Variants in CCDC77 observed in about 807,000 individuals in gnomAD.
The protein encoded by CCDC77 is coiled-coil domain containing 77.
CCDC77 carries 56 observed loss-of-function variants against 66.8 expected under a neutral mutation model. The observed-to-expected ratio is 0.84, with a 90% CI of 0.68 to 1.05. The LOEUF is 1.05. Among genes scored for constraint, CCDC77 ranks in the 50% least tolerant of loss-of-function variants. The pLI is 0.00. For synonymous variants in CCDC77, 196 were observed against 195.2 expected, an observed-to-expected ratio of 1.00 and a Z score of -0.03; for missense variants, 570 against 576.8, an observed-to-expected ratio of 0.99 and a Z score of 0.12.
chr12:416,375 GTGTATATATATATATATATATATATA>G lies in CCDC77; in HGVS notation c.271-2117_271-2092del, dbSNP rs1402633486. ...TGTGTGTGTGTGTGTGTGTGTGTGT[GTGTATATATATATATATATATATATA>G]TATATATATATATATTTCTTTTTTT... On this transcript the variant is annotated intron_variant, in intron 4 of 12. Coordinates refer to ENST00000239830, the MANE Select transcript of CCDC77 (RefSeq NM_032358.4). 1.9e-4 allele frequency among the ~76,000 whole-genome samples: 4 copies of G among 20,602 alleles called. 1 individual carries two copies. The highest frequency in any genetic ancestry group is 1.5e-3 in the South Asian group (1 of 684). 13.5% of individuals were successfully genotyped at this position (20,602 alleles called of 152,430 possible).
rs1225796691 is a variant in CCDC77, at chr12:423,468, GTGTTTTTTGTGTTTTTTTTTGTTT to G, written c.413+4841_413+4864del. The stretch of plus-strand genomic sequence containing the variant: ...ACTTGTTATTTTCTGGGTGTTTTTT[GTGTTTTTTGTGTTTTTTTTTGTTT>G]TGTTTTTTTTTTTTTTTTTTTGAGA... On this transcript the variant is annotated intron_variant, in intron 5 of 12. Transcript: ENST00000239830. Among the ~76,000 whole-genome samples the G allele has an allele frequency of 8.9e-4, 37 of 41,622 alleles. 3 individuals are homozygous for G. The highest frequency in any genetic ancestry group is 4.0e-3 in the East Asian group (6 of 1,498). 27.3% of individuals were successfully genotyped at this position (41,622 alleles called of 152,430 possible). A position where few individuals can be genotyped will look rare whatever the true frequency, so the allele number is the denominator to read the frequency against.
At chr12:413,917 C>T (rs559633775) in intron 4 of CCDC77, among the ~76,000 whole-genome samples, 13 of 150,098 alleles carry the variant, frequency 8.7e-5, no homozygotes, top group Admixed American at 2.0e-4. Flanking sequence ...CGTGAGCCAC[C>T]GCGCCCAGCT....
intron 2 of CCDC77, among the ~76,000 whole-genome samples, chr12:408,940 T>C (rs1945049276): frequency 1.3e-5 from 2 of 152,158 alleles, no homozygotes; most frequent in African/African-American, 4.8e-5. Context: ...GCGTGGTGGC[T>C]CACGCCTGTA....
chr12:401,066 C>G (rs1046833888), upstream of CCDC77, among the ~76,000 whole-genome samples: 5 of 152,098 alleles, frequency 3.3e-5, no homozygotes, highest in African/African-American at 1.2e-4. Context: ...AAGATAAGAC[C>G]ATAATGGATT....
Position 428,510 on chromosome 12 carries a change from CAAAAAAAAAAA to C in CCDC77, c.414-243_414-233del, listed in dbSNP as rs59414510. On this transcript the variant is annotated intron_variant, in intron 5 of 12. Coordinates refer to ENST00000239830, the MANE Select transcript of CCDC77 (RefSeq NM_032358.4). ...TGGACAACAGAGCGAGACTCTGTCTCAAAAAAAAAAAAAAAAAAAAAAAAAAGAATTAGCTA... is the reference window on the plus strand; with the variant it reads ...TGGACAACAGAGCGAGACTCTGTCTCAAAAAAAAAAAAAAAGAATTAGCTA... 5.0e-3 allele frequency among the ~76,000 whole-genome samples: 292 copies of C among 57,908 alleles called. 2 individuals are homozygous for C. Among genetic ancestry groups the C allele is most frequent in the Admixed American group, 7.3e-3 (28 of 3,838 alleles). 38.0% of individuals were successfully genotyped at this position (57,908 alleles called of 152,430 possible). A position where few individuals can be genotyped will look rare whatever the true frequency, so the allele number is the denominator to read the frequency against.
intron 3 of CCDC77, among the ~76,000 whole-genome samples, chr12:410,610 C>T (rs1001155970): frequency 2.7e-5 from 4 of 149,340 alleles, no homozygotes; most frequent in South Asian, 2.1e-4. Context: ...TCTGGAGTGG[C>T]GTGATCTCGG....
intron 4 of CCDC77, among the ~76,000 whole-genome samples, chr12:416,377 GTATATATATATATATATATA>G (rs1167006549): frequency 0.063 from 1,294 of 20,572 alleles, 88 homozygotes; most frequent in African/African-American, 0.18. Flanking sequence ...GTGTGTGTGT[GTATATATATATATATATATA>G]TATATATATA....
rs1275226663 is a variant in CCDC77 at position 423,902 on chromosome 12, A to G, written c.414-4867A>G. ...GTTGAGCATCTTTCTTGTGCCATTT[A>G]TATATCTTCTTTGGAGAAATGTCTA... On this transcript the variant is annotated intron_variant, in intron 5 of 12. Transcript: ENST00000239830. Among the ~76,000 whole-genome samples the G allele has an allele frequency of 4.6e-5, 7 of 152,240 alleles. No homozygotes were observed. In the East Asian group the frequency reaches 1.4e-3, roughly 29 times the overall value.
At chr12:430,788 C>A in intron 7 of CCDC77, 52 bp downstream of exon 7, 2 of 1,449,554 alleles carry the variant, frequency 1.4e-6, no homozygotes, top group South Asian at 1.1e-5. Flanking sequence ...AATTGAAAAT[C>A]ACAGTGCAGG....
At chr12:395,331 C>T (rs114974205) in intron 1 of CCDC77, 1 of 152,168 alleles carries the variant, frequency 6.6e-6, no homozygotes, top group Admixed American at 6.5e-5. Flanking sequence ...TCAAGCAATC[C>T]TATTGCCTTG....
intron 4 of CCDC77, among the ~76,000 whole-genome samples, chr12:416,676 G>A (rs1045002499): frequency 4.6e-5 from 7 of 151,592 alleles, no homozygotes; most frequent in Non-Finnish European, 8.8e-5. Flanking sequence ...GGCGTGTTAA[G>A]TATATTCACA....
At chr12:440,522 A>G in intron 10 of CCDC77, 95 bp from the exon 11 acceptor site, 1 of 1,426,218 alleles carries the variant, frequency 7.0e-7, no homozygotes, top group Non-Finnish European at 9.6e-7. Context: ...ACCTCTGGAA[A>G]TCCCTTCTTT....
At chr12:406,131 A>G (rs1241799519) in intron 2 of CCDC77, among the ~76,000 whole-genome samples, 1 of 152,096 alleles carries the variant, frequency 6.6e-6, no homozygotes, top group Non-Finnish European at 1.5e-5. Flanking sequence ...GCTGGTCTCA[A>G]ACTCCTGGAC....
At chr12:433,767 TA>T (rs1020827284) in intron 9 of CCDC77, among the ~76,000 whole-genome samples, 1 of 152,100 alleles carries the variant, frequency 6.6e-6, no homozygotes, top group Non-Finnish European at 1.5e-5. Context: ...TTTACATATC[TA>T]AAAAAAACTG....
At chr12:416,375 G>GTATATATATA (rs1489079419) in intron 4 of CCDC77, among the ~76,000 whole-genome samples, 3 of 20,592 alleles carry the variant, frequency 1.5e-4, no homozygotes, top group South Asian at 1.5e-3. Flanking sequence ...GTGTGTGTGT[G>GTATATATATA]TGTATATATA....
chr12:409,234 A>G, intron 2 of CCDC77, 134 bp from the exon 3 acceptor site: 1 of 679,584 alleles, frequency 1.5e-6, no homozygotes, highest in Admixed American at 2.9e-5. Context: ...AGAAAAAAAA[A>G]ACTACATTTT....
At chr12:404,786 G>C (rs192807249) in intron 1 of CCDC77, among the ~76,000 whole-genome samples, 1 of 150,144 alleles carries the variant, frequency 6.7e-6, no homozygotes, top group Non-Finnish European at 1.5e-5. Context: ...GTAATGGCGC[G>C]ATCTTGGCTC....
Position 402,208 on chromosome 12 carries a change from T to C in CCDC77, c.-71+524T>C, listed in dbSNP as rs78985787. Among the ~76,000 whole-genome samples, 2,084 of 152,336 alleles carry C rather than the reference T, an allele frequency of 0.014. 102 individuals are homozygous for C. In the South Asian group the frequency reaches 0.16, roughly 12 times the overall value. On this transcript the variant is annotated intron_variant, in intron 1 of 12. Transcript: ENST00000239830. ...CCTAGCTGAAACCCGTTAATTTACC[T>C]ATAAACAAAGGCATTGTTCCTTTGG... is the stretch of plus-strand genomic sequence containing the variant.
chr12:428,825 C>G lies in CCDC77; in HGVS notation c.470C>G (p.Ala157Gly). ...QNLLALVGTD[A>G]GEVTYFCKEP... ...CTCTTGGCTCTTGTGGGAACAGATGCTGGAGAAGTGACCTATTTTTGTAAG... is the reference window on the plus strand; with the variant it reads ...CTCTTGGCTCTTGTGGGAACAGATGGTGGAGAAGTGACCTATTTTTGTAAG... Residue 157 changes from alanine (A) to glycine (G), a missense_variant, in exon 6 of 13, where the codon GCT becomes GGT. Ala to Gly is a moderately conservative substitution (Grantham distance 60). Transcript: ENST00000239830. 1 of 1,612,944 alleles carries G rather than the reference C, an allele frequency of 6.2e-7. No homozygotes were observed. Among genetic ancestry groups the G allele is most frequent in the Non-Finnish European group, 8.5e-7 (1 of 1,179,352 alleles).
Sources: allele counts gnomAD v4.1 joint callset (sites outside exome capture counted in the v4.1 genomes callset), GRCh38; gene constraint gnomAD v4.1.1; transcripts MANE v1.5; gene names NCBI Gene and HGNC (gene_info 2026-07-23, HGNC 2026-07-21).